Variants in WDFY3 observed in about 807,000 individuals in gnomAD.
WDFY3 encodes the protein WD repeat and FYVE domain containing 3, also known as WD repeat and FYVE domain-containing protein 3.
WDFY3 carries 66 observed loss-of-function variants against 409.6 expected under a neutral mutation model. That is an observed-to-expected ratio of 0.16 (90% confidence interval 0.13 to 0.20). WDFY3 has a LOEUF of 0.20. Ranked by LOEUF, WDFY3 falls within the 10% of genes least tolerant of loss-of-function variation. WDFY3 has a pLI of 1.00. For missense variants in WDFY3, 3,031 were observed against 4,298.1 expected (o/e 0.71, Z 8.24); for synonymous variants, 1,521 against 1,537.1 (o/e 0.99, Z 0.25).
At chr4:84,948,749 T>G (rs1256311827) in intron 1 of WDFY3, among the ~76,000 whole-genome samples, 2 of 152,190 alleles carry the variant, frequency 1.3e-5, no homozygotes, top group Non-Finnish European at 2.9e-5. Flanking sequence ...TAGACACTTT[T>G]GGAGGTCCCT....
chr4:84,870,301 G>A (rs770252039), intron 3 of WDFY3, among the ~76,000 whole-genome samples: 1 of 152,092 alleles, frequency 6.6e-6, no homozygotes, highest in Non-Finnish European at 1.5e-5. Context: ...CTAACTCAAG[G>A]ACTTTTCTTG....
At chr4:84,739,557 T>C (rs1738039523) in intron 39 of WDFY3, among the ~76,000 whole-genome samples, 1 of 152,118 alleles carries the variant, frequency 6.6e-6, no homozygotes, top group African/African-American at 2.4e-5. Context: ...TGTTCTTTCC[T>C]CCAGTAGCAG....
At position 84,889,238 on chromosome 4, in the gene WDFY3, T is replaced by A. The variant is rs148277682; in HGVS notation, c.-32+7673A>T. On this transcript the variant is annotated intron_variant, in intron 3 of 67. Transcript: ENST00000295888. ...CAGTGAATATTGTGCTTGAAGCTTA[T>A]ACATGTATTCCTCATAAAACATAAA... 9.8e-5 allele frequency among the ~76,000 whole-genome samples: 15 copies of A among 152,328 alleles called. No individual in the cohort carries two copies. The East Asian group carries it at 2.9e-3, about 29-fold the overall frequency.
intron 36 of WDFY3, among the ~76,000 whole-genome samples, chr4:84,744,363 A>G (rs1738984232): frequency 6.6e-6 from 1 of 152,004 alleles, no homozygotes; most frequent in Admixed American, 6.6e-5. Context: ...CATTTGTAAC[A>G]AAAAACTAAG....
intron 66 of WDFY3, among the ~76,000 whole-genome samples, chr4:84,677,961 C>CAA (rs986393073): frequency 1.7e-3 from 35 of 21,150 alleles, no homozygotes; most frequent in South Asian, 3.3e-3. Context: ...GACCCTGTCT[C>CAA]AAAAAAAAAA....
chr4:84,881,730 T>C (rs1182784727), intron 3 of WDFY3, among the ~76,000 whole-genome samples: 2 of 151,848 alleles, frequency 1.3e-5, no homozygotes, highest in East Asian at 3.9e-4. Flanking sequence ...CTACTCAAAA[T>C]ACAAAAGAAT....
chr4:84,880,724 T>TATATATATA (rs1763416175), intron 3 of WDFY3, among the ~76,000 whole-genome samples: 1 of 102,482 alleles, frequency 9.8e-6, no homozygotes, highest in Non-Finnish European at 2.0e-5. Flanking sequence ...TATATATATA[T>TATATATATA]ATGTTTTTTT....
At chr4:84,801,266 GA>G (rs1750514777) in intron 17 of WDFY3, among the ~76,000 whole-genome samples, 1 of 152,098 alleles carries the variant, frequency 6.6e-6, no homozygotes, top group Admixed American at 6.5e-5. Context: ...AAGAGCACAG[GA>G]AAACTCTTGG....
intron 43 of WDFY3, among the ~76,000 whole-genome samples, chr4:84,733,922 T>G (rs1175843698): frequency 2.0e-5 from 3 of 152,134 alleles, no homozygotes; most frequent in Admixed American, 6.5e-5. Context: ...TGAATTATAT[T>G]GAAATGGTTA....
intron 3 of WDFY3, among the ~76,000 whole-genome samples, chr4:84,885,330 ATGTGTGTG>A (rs70943380): frequency 0.29 from 42,878 of 145,506 alleles, 6,334 homozygotes; most frequent in Non-Finnish European, 0.33. Flanking sequence ...ACATATACAT[ATGTGTGTG>A]TGTGTGTGTG....
chr4:84,806,924 T>A (rs904257783), intron 15 of WDFY3, among the ~76,000 whole-genome samples: 1 of 152,186 alleles, frequency 6.6e-6, no homozygotes, highest in African/African-American at 2.4e-5. Context: ...TGTATTTTTT[T>A]AAGTATCCTT....
chr4:84,689,973 G>A (rs1020917213), intron 61 of WDFY3, among the ~76,000 whole-genome samples: 2 of 152,070 alleles, frequency 1.3e-5, no homozygotes, highest in Non-Finnish European at 2.9e-5. Context: ...ATTATAAAAG[G>A]ACTCTTGCTT....
intron 1 of WDFY3, among the ~76,000 whole-genome samples, chr4:84,940,693 T>A (rs1460070940): frequency 1.3e-5 from 2 of 152,008 alleles, no homozygotes; most frequent in African/African-American, 4.8e-5. Flanking sequence ...AATATCCTGA[T>A]ATCAAAACCA....
intron 1 of WDFY3, among the ~76,000 whole-genome samples, chr4:84,944,486 C>G (rs534759237): frequency 1.8e-3 from 273 of 152,144 alleles, no homozygotes; most frequent in Middle Eastern, 3.4e-3. Context: ...GAGCCAAGAT[C>G]TTGCCACTGT....
chr4:84,922,773 C>A (rs1426467102), intron 2 of WDFY3, among the ~76,000 whole-genome samples: 2 of 152,120 alleles, frequency 1.3e-5, no homozygotes, highest in Non-Finnish European at 2.9e-5. Flanking sequence ...GATCCTCCTG[C>A]CTCAGCCTTC....
chr4:84,865,800 T>C (rs1223630109), intron 3 of WDFY3, among the ~76,000 whole-genome samples: 1 of 152,196 alleles, frequency 6.6e-6, no homozygotes, highest in African/African-American at 2.4e-5. Context: ...CCAGGCACAG[T>C]AGCTCACACC....
intron 17 of WDFY3, among the ~76,000 whole-genome samples, chr4:84,798,775 C>T (rs1198224239): frequency 1.3e-5 from 2 of 152,158 alleles, no homozygotes; most frequent in African/African-American, 4.8e-5. Flanking sequence ...TAATTACCTC[C>T]TGTGACACCA....
At chr4:84,908,790 C>G (rs1368548548) in intron 2 of WDFY3, among the ~76,000 whole-genome samples, 1 of 152,060 alleles carries the variant, frequency 6.6e-6, no homozygotes, top group Admixed American at 6.6e-5. Context: ...TTATCTAGCT[C>G]AAGAGTTCTT....
chr4:84,893,659 C>A (rs1404876272), intron 3 of WDFY3, among the ~76,000 whole-genome samples: 1 of 152,076 alleles, frequency 6.6e-6, no homozygotes, highest in Non-Finnish European at 1.5e-5. Context: ...CTGAGAAATT[C>A]TAGACTACCA....
Sources: gnomAD v4.1 joint callset for allele counts (sites outside exome capture counted in the v4.1 genomes callset) on GRCh38, gnomAD v4.1.1 for gene constraint, MANE v1.5 for transcripts, NCBI Gene and HGNC (gene_info 2026-07-23, HGNC 2026-07-21) for gene names.